Variants in LRFN2 observed in about 807,000 individuals in gnomAD.
LRFN2 encodes the protein leucine-rich repeat and fibronectin type-III domain-containing protein 2.
Under a neutral mutation model 37.3 loss-of-function variants are expected in LRFN2, and 18 were observed. That is an observed-to-expected ratio of 0.48 (90% CI 0.33 to 0.72). LRFN2 has a LOEUF of 0.72. LRFN2 is among the 30% of genes least tolerant of loss of function. LRFN2 has a pLI of 0.02. For missense variants in LRFN2, 1,006 were observed against 1,060.7 expected (o/e 0.95, Z 0.72); for synonymous variants, 556 against 466.6 (o/e 1.19, Z -2.47).
At chr6:40,434,006 C>G (rs375286262) in intron 1 of LRFN2, among the ~76,000 whole-genome samples, 1 of 152,192 alleles carries the variant, frequency 6.6e-6, no homozygotes, top group African/African-American at 2.4e-5. Context: ...TCCCAGAGGC[C>G]TTCCCAGATG....
At chr6:40,411,973 C>T (rs951563153) in intron 2 of LRFN2, among the ~76,000 whole-genome samples, 1 of 152,162 alleles carries the variant, frequency 6.6e-6, no homozygotes, top group African/African-American at 2.4e-5. Flanking sequence ...TCTTTGCTAG[C>T]ATAGCTGCCT....
At chr6:40,410,045 G>A (rs545450749) in intron 2 of LRFN2, among the ~76,000 whole-genome samples, 118 of 152,280 alleles carry the variant, frequency 7.7e-4, no homozygotes, top group Admixed American at 6.4e-3. Context: ...TAAGGGTGGG[G>A]AGAGTGACGA....
chr6:40,546,225 C>A (rs1254155724), intron 1 of LRFN2, among the ~76,000 whole-genome samples: 1 of 152,180 alleles, frequency 6.6e-6, no homozygotes, highest in Non-Finnish European at 1.5e-5. Flanking sequence ...ACAGGAGGAA[C>A]AGCCCAGAGA....
intron 1 of LRFN2, among the ~76,000 whole-genome samples, chr6:40,436,734 G>A (rs1487214625): frequency 6.6e-6 from 1 of 152,154 alleles, no homozygotes; most frequent in African/African-American, 2.4e-5. Flanking sequence ...GTGCTCAAAG[G>A]TGTTCTGGCC....
At chr6:40,443,729 G>C (rs1021497654) in intron 1 of LRFN2, among the ~76,000 whole-genome samples, 31 of 152,164 alleles carry the variant, frequency 2.0e-4, no homozygotes, top group African/African-American at 7.2e-4. Flanking sequence ...GCAGCTGAAG[G>C]ATGTTTGATG....
chr6:40,542,689 G>A (rs988694977), intron 1 of LRFN2, among the ~76,000 whole-genome samples: 12 of 152,122 alleles, frequency 7.9e-5, no homozygotes, highest in Admixed American at 5.9e-4. Context: ...CCCCAACTCT[G>A]ACCAGGCCTT....
intron 1 of LRFN2, among the ~76,000 whole-genome samples, chr6:40,510,905 C>A (rs2113886436): frequency 6.6e-6 from 1 of 152,006 alleles, no homozygotes; most frequent in South Asian, 2.1e-4. Context: ...ATCCCTAGGC[C>A]AATGCTGGAG....
At chr6:40,481,885 G>A (rs533507129) in intron 1 of LRFN2, among the ~76,000 whole-genome samples, 2 of 152,312 alleles carry the variant, frequency 1.3e-5, no homozygotes, top group South Asian at 4.2e-4. Flanking sequence ...AAATGCTATA[G>A]CACCAGGCCA....
At chr6:40,537,031 G>A (rs895609411) in intron 1 of LRFN2, among the ~76,000 whole-genome samples, 2 of 152,248 alleles carry the variant, frequency 1.3e-5, no homozygotes, top group Non-Finnish European at 2.9e-5. Context: ...GGCACGGAGG[G>A]TTGACATACC....
intron 2 of LRFN2, among the ~76,000 whole-genome samples, chr6:40,423,082 G>A (rs1269452380): frequency 6.6e-6 from 1 of 152,182 alleles, no homozygotes; most frequent in Non-Finnish European, 1.5e-5. Context: ...TGTGGGGATA[G>A]TAATATGATT....
At chr6:40,402,473 C>T (rs1029625353) in intron 2 of LRFN2, among the ~76,000 whole-genome samples, 1 of 152,220 alleles carries the variant, frequency 6.6e-6, no homozygotes, top group Non-Finnish European at 1.5e-5. Flanking sequence ...AATAACATGC[C>T]TTACTTTACA....
At chr6:40,534,007 A>G (rs1766402190) in intron 1 of LRFN2, among the ~76,000 whole-genome samples, 1 of 152,212 alleles carries the variant, frequency 6.6e-6, no homozygotes, top group Non-Finnish European at 1.5e-5. Flanking sequence ...CTCATGTCAT[A>G]GGCACTGTTA....
In LRFN2 at chr6:40,431,956, G is replaced by C. The variant is rs774489124; in HGVS notation, c.1158C>G (p.Thr386=). Residue 386 remains threonine (T), a synonymous_variant, in exon 2 of 3, where the codon ACC becomes ACG. Transcript: ENST00000338305. ...IVQLPHLSNS[T]SRTAPPKSRL... ...GGGACTTGGGGGGTGCAGTGCGGCT[G>C]GTGCTGTTGCTGAGGTGTGGCAGCT... 2 of 1,613,668 alleles carry C rather than the reference G, an allele frequency of 1.2e-6. No homozygotes were observed. Among genetic ancestry groups the C allele is most frequent in the South Asian group, 2.2e-5 (2 of 91,086 alleles).
chr6:40,480,470 G>T (rs1394594552), intron 1 of LRFN2, among the ~76,000 whole-genome samples: 1 of 151,998 alleles, frequency 6.6e-6, no homozygotes, highest in Non-Finnish European at 1.5e-5. Flanking sequence ...AGAGATGGGG[G>T]TCTTACTATG....
chr6:40,519,342 T>C (rs1310911212), intron 1 of LRFN2, among the ~76,000 whole-genome samples: 1 of 152,220 alleles, frequency 6.6e-6, no homozygotes, highest in African/African-American at 2.4e-5. Context: ...AACACTGGTA[T>C]GGTCCCAAAT....
intron 1 of LRFN2, among the ~76,000 whole-genome samples, chr6:40,467,032 T>G (rs1433354637): frequency 1.3e-5 from 2 of 152,070 alleles, no homozygotes; most frequent in Non-Finnish European, 2.9e-5. Flanking sequence ...AAGCCAACCC[T>G]GCCGACCCCT....
chr6:40,520,016 A>G (rs205525), intron 1 of LRFN2, among the ~76,000 whole-genome samples: 99,539 of 152,060 alleles, frequency 0.65, 33,158 homozygotes, highest in African/African-American at 0.77. Context: ...ACAATGTGGC[A>G]TATATGGATA....
At chr6:40,486,143 C>G (rs954391297) in intron 1 of LRFN2, among the ~76,000 whole-genome samples, 1 of 150,346 alleles carries the variant, frequency 6.7e-6, no homozygotes, top group Non-Finnish European at 1.5e-5. Flanking sequence ...TATGTACTTT[C>G]CTTTGAAGAA....
chr6:40,583,149 T>C (rs1372459785), intron 1 of LRFN2, among the ~76,000 whole-genome samples: 1 of 151,462 alleles, frequency 6.6e-6, no homozygotes. Context: ...GAGAACTTAA[T>C]CTTTTGATAT....
Sources: allele counts gnomAD v4.1 joint callset (sites outside exome capture counted in the v4.1 genomes callset), GRCh38; gene constraint gnomAD v4.1.1; transcripts MANE v1.5; gene names NCBI Gene and HGNC (gene_info 2026-07-23, HGNC 2026-07-21).